DOP1B: variants seen among roughly 807,000 people sequenced by gnomAD.
DOP1B encodes the protein DOP1 leucine zipper like protein B, also known as protein DOP1B.
A neutral mutation model predicts 233.5 loss-of-function variants in DOP1B; 174 were observed. That is an observed-to-expected ratio of 0.75 (90% CI 0.66 to 0.85). The LOEUF is 0.85. Among genes scored for constraint, DOP1B ranks in the 40% least tolerant of loss-of-function variants. The probability of loss-of-function intolerance (pLI) is 0.00; values close to 1 mark genes in which losing one functional copy is unlikely to be tolerated. For synonymous variants in DOP1B, 1,190 were observed against 1,185.6 expected (o/e 1.00, Z -0.08); for missense variants, 2,652 against 2,846.6 (o/e 0.93, Z 1.56).
rs778871181 is a variant in DOP1B at position 36,208,801 on chromosome 21, C to T, written c.578C>T (p.Pro193Leu). The T allele has an allele frequency of 8.1e-6, 13 of 1,608,726 alleles. No individual in the cohort carries two copies. The Admixed American group carries it at 1.0e-4, about 13-fold the overall frequency. Residue 193 changes from proline to leucine, a missense_variant, in exon 5 of 37, where the codon CCG becomes CTG. Pro to Leu is a moderately conservative substitution (Grantham distance 98, BLOSUM62 -3). This residue lies in a region of DOP1B where 2,617 missense variants were observed against 2,794.3 expected (regional missense o/e 0.94). Transcript: ENST00000691173. ...CTCTGGGGGAGCGTCCTGGCCAGCCCGTCCATCCGCCTCCCTGCCTCAGTC... is the reference window on the plus strand; with the variant it reads ...CTCTGGGGGAGCGTCCTGGCCAGCCTGTCCATCCGCCTCCCTGCCTCAGTC... ...TALWGSVLAS[P>L]SIRLPASVFV...
intron 24 of DOP1B, chr21:36,261,308 C>G: frequency 1.0e-6 from 1 of 970,356 alleles, no homozygotes. Context: ...GAGGTTGCAG[C>G]GAGCCAAGAC....
At chr21:36,234,910 A>G (rs1381110702) in intron 15 of DOP1B, among the ~76,000 whole-genome samples, 2 of 152,204 alleles carry the variant, frequency 1.3e-5, no homozygotes, top group East Asian at 3.8e-4. Flanking sequence ...TGACACATTT[A>G]TACATTGTAT....
chr21:36,232,928 G>A lies in DOP1B; in HGVS notation c.2475G>A (p.Gln825=), dbSNP rs115067274. The change falls in exon 15 of 37, where the codon CAG becomes CAA. Residue 825 remains glutamine, a synonymous_variant. Coordinates refer to ENST00000691173, the MANE Select transcript of DOP1B (RefSeq NM_001320714.2). The stretch of plus-strand genomic sequence containing the variant: ...TGCTGGAAGTGATAAACCATTCCCA[G>A]TCCCTGGCGCTTGTCATTGAAGACA... ...STLLEVINHS[Q]SLALVIEDKM... 953 of 1,614,050 alleles carry A rather than the reference G, an allele frequency of 5.9e-4. 3 individuals carry two copies. In the African/African-American group the frequency reaches 0.011, roughly 19 times the overall value.
At chr21:36,162,219 G>A (rs2065875672) in intron 1 of DOP1B, among the ~76,000 whole-genome samples, 1 of 152,190 alleles carries the variant, frequency 6.6e-6, no homozygotes, top group Non-Finnish European at 1.5e-5. Context: ...GTTTGAGACA[G>A]GGTCTCATTC....
chr21:36,282,703 C>T (rs1199966928), intron 32 of DOP1B, among the ~76,000 whole-genome samples: 2 of 152,130 alleles, frequency 1.3e-5, no homozygotes, highest in East Asian at 1.9e-4. Context: ...TGACTGGGCA[C>T]GGTGGCTCAC....
At chr21:36,177,863 A>G (rs1204884990) in intron 2 of DOP1B, among the ~76,000 whole-genome samples, 2 of 152,208 alleles carry the variant, frequency 1.3e-5, no homozygotes, top group Non-Finnish European at 2.9e-5. Flanking sequence ...TTTATAAATG[A>G]CCCAGTTTCA....
intron 27 of DOP1B, among the ~76,000 whole-genome samples, chr21:36,274,896 G>C (rs549602176): frequency 6.6e-6 from 1 of 152,256 alleles, no homozygotes; most frequent in South Asian, 2.1e-4. Flanking sequence ...CCAGGCAGGA[G>C]TGCAGTGGCG....
intron 26 of DOP1B, among the ~76,000 whole-genome samples, chr21:36,266,621 C>T (rs547643515): frequency 6.6e-6 from 1 of 152,318 alleles, no homozygotes; most frequent in Admixed American, 6.5e-5. Flanking sequence ...GAAGCTCATC[C>T]GAACCCAGTT....
In DOP1B at chr21:36,289,029, C is replaced by G. The variant is rs748706222; in HGVS notation, c.6354-16C>G. The G allele has an allele frequency of 1.2e-6, 2 of 1,609,776 alleles. No homozygotes were observed. Among genetic ancestry groups the G allele is most frequent in the South Asian group, 1.1e-5 (1 of 90,184 alleles). ...CTGAATGAATTTATAACAAGCGTTT[C>G]TTTGCAAATTTATAGAAGCACCAAC... On this transcript the variant is annotated splice_polypyrimidine_tract_variant and intron_variant, in intron 34 of 36. Transcript: ENST00000691173.
At chr21:36,240,040 C>A in intron 18 of DOP1B, 85 bp downstream of exon 18, 1 of 1,419,224 alleles carries the variant, frequency 7.0e-7, no homozygotes, top group Non-Finnish European at 9.3e-7. Context: ...GAGACTGAGG[C>A]CCACTAGGGG....
rs1274433779 is a variant in DOP1B at position 36,230,837 on chromosome 21, A to G, written c.2053A>G (p.Lys685Glu). 4 of 1,614,028 alleles carry G rather than the reference A, an allele frequency of 2.5e-6. No individual in the cohort carries two copies. In the African/African-American group the frequency reaches 5.3e-5, roughly 22 times the overall value. ...CAGCAGGAAGAACTCTTGGGAGCCC[A>G]AGCCCATCACTGTGCCTCAGTTCAA... Reference protein sequence around the residue: ...DSSRKNSWEPKPITVPQFKQM... With the variant: ...DSSRKNSWEPEPITVPQFKQM... Residue 685 changes from lysine to glutamate, a missense_variant, in exon 14 of 37, where the codon AAG becomes GAG. Lys to Glu is a moderately conservative substitution (Grantham distance 56). Transcript: ENST00000691173.
intron 21 of DOP1B, among the ~76,000 whole-genome samples, chr21:36,250,872 G>T (rs1229113535): frequency 6.6e-6 from 1 of 152,128 alleles, no homozygotes; most frequent in South Asian, 2.1e-4. Context: ...ATCGTCTCCC[G>T]AGATGCTCCT....
intron 14 of DOP1B, among the ~76,000 whole-genome samples, chr21:36,231,368 T>C (rs546946152): frequency 6.6e-6 from 1 of 152,352 alleles, no homozygotes; most frequent in East Asian, 1.9e-4. Context: ...TCAGTGCTAA[T>C]AAGGTTTCAG....
rs769877292 is a variant in DOP1B, at chr21:36,246,447, G to A, written c.4467G>A (p.Gln1489=). ...QQAISALQYV[Q]PHPLTSQGLL... is the part of the protein sequence containing the mutation. The stretch of plus-strand genomic sequence containing the variant: ...CCATCAGCGCCCTGCAGTACGTGCA[G>A]CCCCACCCCCTCACCTCCCAGGGTC... The change falls in exon 19 of 37, where the codon CAG becomes CAA. Residue 1489 remains glutamine, a synonymous_variant. Coordinates refer to ENST00000691173, the MANE Select transcript of DOP1B (RefSeq NM_001320714.2). This position sits in a 1 kb window ranked among gnomAD's most constrained non-coding sequence, Gnocchi z 5.1. 40 of 1,613,600 alleles carry A rather than the reference G, an allele frequency of 2.5e-5. No individual in the cohort carries two copies. The highest frequency in any genetic ancestry group is 3.3e-5 in the Non-Finnish European group (39 of 1,179,904).
rs377279114 is a variant in DOP1B, at chr21:36,227,322, T to C, written c.1474-364T>C. On this transcript the variant is annotated intron_variant, in intron 12 of 36. Transcript: ENST00000691173. ...CAGCACTTTGGGAGGCCAAGGTGGATGGATCACAAAGTCAGGAGATCGAGA... is the reference window on the plus strand; with the variant it reads ...CAGCACTTTGGGAGGCCAAGGTGGACGGATCACAAAGTCAGGAGATCGAGA... Among the ~76,000 whole-genome samples the C allele has an allele frequency of 1.1e-3, 162 of 151,748 alleles. 2 individuals carry two copies. The East Asian group carries it at 0.017, about 16-fold the overall frequency.
intron 2 of DOP1B, among the ~76,000 whole-genome samples, chr21:36,175,417 T>C (rs1428982551): frequency 2.6e-5 from 4 of 152,048 alleles, no homozygotes; most frequent in African/African-American, 9.7e-5. Flanking sequence ...GGCCCAGATT[T>C]CCTCTTCTTA....
chr21:36,174,115 A>G (rs1454934145), intron 2 of DOP1B, among the ~76,000 whole-genome samples: 1 of 152,172 alleles, frequency 6.6e-6, no homozygotes, highest in African/African-American at 2.4e-5. Flanking sequence ...TGTGGTGGGA[A>G]GAACACGGGT....
chr21:36,188,873 A>T (rs910835775), intron 2 of DOP1B, among the ~76,000 whole-genome samples: 1 of 152,242 alleles, frequency 6.6e-6, no homozygotes, highest in Non-Finnish European at 1.5e-5. Context: ...AAAGCGTTTT[A>T]AAAATGAAAC....
chr21:36,255,701 G>A (rs1443174563), intron 23 of DOP1B, among the ~76,000 whole-genome samples: 1 of 152,086 alleles, frequency 6.6e-6, no homozygotes, highest in Non-Finnish European at 1.5e-5. Context: ...CAAAGTGCTG[G>A]GATTACGGGC....
Sources: gnomAD v4.1 joint callset for allele counts (sites outside exome capture counted in the v4.1 genomes callset) on GRCh38, gnomAD v4.1.1 for gene constraint, gnomAD v4.1.1 regional missense constraint, Gnocchi (gnomAD v3.1) non-coding constraint, MANE v1.5 for transcripts, NCBI Gene and HGNC (gene_info 2026-07-23, HGNC 2026-07-21) for gene names.